The following PTPRB variants were observed in gnomAD, a reference collection of about 807,000 sequenced individuals.
The protein encoded by PTPRB is receptor-type tyrosine-protein phosphatase beta.
A neutral mutation model predicts 238.1 loss-of-function variants in PTPRB; 97 were observed. The ratio of observed to expected loss-of-function variants is 0.41; its 90% CI spans 0.35 to 0.48. The LOEUF is 0.48. PTPRB is among the 20% of genes least tolerant of loss of function. PTPRB has a pLI of 0.30. For synonymous variants in PTPRB, 970 were observed against 995.4 expected, an observed-to-expected ratio of 0.97 and a Z score of 0.48; for missense variants, 2,292 against 2,681.9, an observed-to-expected ratio of 0.85 and a Z score of 3.21.
intron 18 of PTPRB, among the ~76,000 whole-genome samples, chr12:70,557,982 T>G (rs1877951880): frequency 6.6e-6 from 1 of 152,188 alleles, no homozygotes; most frequent in African/African-American, 2.4e-5. Context: ...GTTGTCAGGG[T>G]TGAAGATAGC....
intron 4 of PTPRB, 190 bp downstream of exon 4, chr12:70,608,879 G>A: frequency 2.5e-6 from 2 of 798,228 alleles, no homozygotes; most frequent in Non-Finnish European, 3.8e-6. Flanking sequence ...CACTAAGGGA[G>A]TCTCTGAAAG....
chr12:70,623,003 T>C (rs1453333330), intron 2 of PTPRB, among the ~76,000 whole-genome samples: 2 of 152,074 alleles, frequency 1.3e-5, no homozygotes, highest in Non-Finnish European at 2.9e-5. Flanking sequence ...CCAAAAACTG[T>C]GCAAAATTAT....
At chr12:70,588,109 A>AAG (rs1555232483) in intron 8 of PTPRB, among the ~76,000 whole-genome samples, 1 of 137,066 alleles carries the variant, frequency 7.3e-6, no homozygotes, top group South Asian at 2.3e-4. Context: ...AAAAAAAAAA[A>AAG]AAAAGAAAAG....
At chr12:70,527,915 A>ACAACT (rs1452861182) in intron 32 of PTPRB, among the ~76,000 whole-genome samples, 5 of 152,344 alleles carry the variant, frequency 3.3e-5, no homozygotes, top group African/African-American at 1.2e-4. Flanking sequence ...GCCTGTAGAA[A>ACAACT]CAACTCAACT....
chr12:70,606,133 A>T (rs1883923832), intron 4 of PTPRB, among the ~76,000 whole-genome samples: 2 of 152,186 alleles, frequency 1.3e-5, no homozygotes, highest in African/African-American at 4.8e-5. Flanking sequence ...AAGATGAGAT[A>T]AAGCTCTGTT....
chr12:70,555,919 G>A lies in PTPRB; in HGVS notation c.4944C>T (p.Ala1648=), dbSNP rs113876379. ...CTTCAACCACCTCGCTGGTCATGCC[G>A]GCCGACTGCACTTTGATGGACACCA... ...RYLVSIKVQS[A]GMTSEVVEDS... Residue 1648 remains alanine (A), a synonymous_variant, in exon 19 of 34, where the codon GCC becomes GCT. Transcript: ENST00000334414. 1,299 of 1,613,546 alleles carry A rather than the reference G, an allele frequency of 8.1e-4. 2 individuals carry two copies. Among genetic ancestry groups the A allele is most frequent in the Middle Eastern group, 2.6e-3 (15 of 5,782 alleles).
At chr12:70,565,575 C>T (rs1879182917) in intron 15 of PTPRB, among the ~76,000 whole-genome samples, 1 of 152,216 alleles carries the variant, frequency 6.6e-6, no homozygotes, top group Admixed American at 6.5e-5. Flanking sequence ...CTCTTTATCA[C>T]AATGCATTGC....
Position 70,556,163 on chromosome 12 carries a change from G to A in PTPRB, c.4715-15C>T, listed in dbSNP as rs758768869. Reference sequence around the variant, plus strand: ...CTTGTCAGGCTCTAAAGGAAACAGAGGAGGCAACACTTTTCAGAACTCAGG... The same window carrying A: ...CTTGTCAGGCTCTAAAGGAAACAGAAGAGGCAACACTTTTCAGAACTCAGG... On this transcript the variant is annotated splice_polypyrimidine_tract_variant and intron_variant, in intron 18 of 33. Transcript: ENST00000334414. 1 of 1,605,896 alleles carries A rather than the reference G, an allele frequency of 6.2e-7. No homozygotes were observed. The highest frequency in any genetic ancestry group is 1.1e-5 in the South Asian group (1 of 90,246).
Position 70,581,199 on chromosome 12 carries a change from G to A in PTPRB, c.2415C>T (p.Val805=), listed in dbSNP as rs748491310. ...QAQGDVEFYQ[V]LLIHENVVIK... is the part of the protein sequence containing the mutation. The stretch of plus-strand genomic sequence containing the variant: ...TGACCACATTTTCATGGATCAGTAA[G>A]ACTTGGTAAAATTCTACGTCTCCTT... Residue 805 remains valine (V), a synonymous_variant, in exon 10 of 34, where the codon GTC becomes GTT. Transcript: ENST00000334414. 3 of 1,613,974 alleles carry A rather than the reference G, an allele frequency of 1.9e-6. No homozygotes were observed. Among genetic ancestry groups the A allele is most frequent in the Non-Finnish European group, 2.5e-6 (3 of 1,179,890 alleles).
chr12:70,525,892 T>TTA (rs1872361253), intron 32 of PTPRB, among the ~76,000 whole-genome samples: 1 of 152,194 alleles, frequency 6.6e-6, no homozygotes, highest in Non-Finnish European at 1.5e-5. Flanking sequence ...AAGGTCTCTT[T>TTA]TATAGCTAAC....
chr12:70,627,713 T>C (rs888342060), intron 2 of PTPRB, among the ~76,000 whole-genome samples: 12 of 152,106 alleles, frequency 7.9e-5, no homozygotes, highest in South Asian at 2.1e-4. Flanking sequence ...TCAATAATCA[T>C]TGATAACATT....
At chr12:70,524,875 G>GTGTATATA (rs1457201468) in intron 32 of PTPRB, among the ~76,000 whole-genome samples, 2 of 143,972 alleles carry the variant, frequency 1.4e-5, no homozygotes, top group Admixed American at 7.2e-5. Flanking sequence ...GTATATATGT[G>GTGTATATA]TGTATATATG....
At chr12:70,542,458 G>C (rs1311217442) in intron 22 of PTPRB, 1 of 151,882 alleles carries the variant, frequency 6.6e-6, no homozygotes, top group Non-Finnish European at 1.5e-5. Context: ...CATGCCTGTA[G>C]TCCCAGCTAC....
intron 32 of PTPRB, among the ~76,000 whole-genome samples, chr12:70,528,488 T>TAAAGGGCTGTG (rs57893676): frequency 0.36 from 55,083 of 151,398 alleles, 10,432 homozygotes; most frequent in East Asian, 0.53. Flanking sequence ...TGAGAGTTGA[T>TAAAGGGCTGTG]CAAGGGCAGT....
chr12:70,556,999 G>A (rs570151508), intron 18 of PTPRB, among the ~76,000 whole-genome samples: 99 of 152,220 alleles, frequency 6.5e-4, no homozygotes, highest in Non-Finnish European at 1.2e-3. Context: ...ATAACACAAG[G>A]TAGAAAGGAA....
intron 21 of PTPRB, 48 bp downstream of exon 21, chr12:70,552,729 A>T: frequency 6.2e-7 from 1 of 1,602,162 alleles, no homozygotes; most frequent in Non-Finnish European, 8.5e-7. Flanking sequence ...CTGAGTGCTT[A>T]GTAATGTAGC....
At chr12:70,579,721 A>T (rs1252854093) in intron 10 of PTPRB, among the ~76,000 whole-genome samples, 3 of 150,404 alleles carry the variant, frequency 2.0e-5, no homozygotes, top group Non-Finnish European at 4.4e-5. Flanking sequence ...AAAAAGAAAC[A>T]TGCAAGTGAC....
Position 70,576,481 on chromosome 12 carries a change from A to G in PTPRB, c.2743T>C (p.Cys915Arg), listed in dbSNP as rs1880708914. 1 of 1,587,670 alleles carries G rather than the reference A, an allele frequency of 6.3e-7. No homozygotes were observed. The change falls in exon 11 of 34, where the codon TGT becomes CGT. Residue 915 changes from cysteine to arginine, a missense_variant. This residue lies in a region of PTPRB where 1,205 missense variants were observed against 1,287.8 expected (regional missense o/e 0.94). Transcript: ENST00000334414. ...CCTGGGGTGAGGGAGCTGAAGGAAC[A>G]TTCTCTGACAGACTTGGCAATGACA... ...SLVIAKSVRE[C>R]SFSSLTPGRL...
chr12:70,581,508 T>G (rs1881392860), intron 9 of PTPRB, among the ~76,000 whole-genome samples: 1 of 152,192 alleles, frequency 6.6e-6, no homozygotes, highest in African/African-American at 2.4e-5. Flanking sequence ...GCTGCTTATA[T>G]AGGGAATCAA....
Sources: allele counts gnomAD v4.1 joint callset (sites outside exome capture counted in the v4.1 genomes callset), GRCh38; gene constraint gnomAD v4.1.1; regional missense constraint gnomAD v4.1.1; transcripts MANE v1.5; gene names NCBI Gene and HGNC (gene_info 2026-07-23, HGNC 2026-07-21).